SBNO2: variants seen among roughly 807,000 people sequenced by gnomAD.
SBNO2 encodes strawberry notch homolog 2, also known as protein strawberry notch homolog 2.
A neutral mutation model predicts 146.3 loss-of-function variants in SBNO2; 89 were observed. The observed-to-expected ratio is 0.61, with a 90% CI of 0.51 to 0.73. The LOEUF is 0.73. SBNO2 is among the 30% of genes least tolerant of loss of function. The probability of loss-of-function intolerance (pLI) is 0.00; values close to 1 mark genes in which losing one functional copy is unlikely to be tolerated. For missense variants in SBNO2, 2,092 were observed against 2,003.7 expected (o/e 1.04, Z -0.84); for synonymous variants, 1,147 against 892.6 (o/e 1.29, Z -5.08).
At position 1,116,890 on chromosome 19, in the gene SBNO2, G is replaced by A. The variant is rs369316841; in HGVS notation, c.1741C>T (p.Arg581Cys). 1.6e-5 allele frequency: 26 copies of A among 1,575,980 alleles called. No homozygotes were observed. Among genetic ancestry groups the A allele is most frequent in the South Asian group, 5.8e-5 (5 of 86,810 alleles). Residue 581 changes from arginine to cysteine, a missense_variant, in exon 16 of 32, where the codon CGC becomes TGC. Physicochemically the swap from Arg to Cys is radical, Grantham distance 180. Coordinates refer to ENST00000361757, the MANE Select transcript of SBNO2 (RefSeq NM_014963.3). The stretch of plus-strand genomic sequence containing the variant: ...TTCTCCCCCAGCACCTCCCGCGTGC[G>A]CGCCTCGCCCGTGGACTGCAGCCCG... ...VIGLQSTGEA[R>C]TREVLGENDG...
intron 2 of SBNO2, 25 bp downstream of exon 2, chr19:1,154,159 G>C (rs1157746584): frequency 3.5e-6 from 4 of 1,140,880 alleles, no homozygotes; most frequent in Middle Eastern, 3.3e-4. Context: ...CCGTCGGGTG[G>C]GCCGGGGCCG....
Position 1,142,993 on chromosome 19 carries a change from C to T in SBNO2, c.279+4316G>A, listed in dbSNP as rs888294380. 1.1e-4 allele frequency among the ~76,000 whole-genome samples: 16 copies of T among 152,226 alleles called. No individual in the cohort carries two copies. The East Asian group carries it at 3.1e-3, about 29-fold the overall frequency. On this transcript the variant is annotated intron_variant, in intron 4 of 31. Coordinates refer to ENST00000361757, the MANE Select transcript of SBNO2 (RefSeq NM_014963.3). ...AAAAAAAAGTCATGACTAGCTGTCT[C>T]GTTATGGCCTGTGGGGTTTTACATT...
intron 11 of SBNO2, 142 bp downstream of exon 11, chr19:1,121,995 CAG>C: frequency 8.3e-6 from 6 of 724,062 alleles, no homozygotes; most frequent in Non-Finnish European, 9.6e-6. Context: ...AGCCCTTCCC[CAG>C]CCCCACCCCT....
rs771463097 is a variant in SBNO2 at position 1,119,495 on chromosome 19, G to A, written c.1373+21C>T. 1.1e-4 allele frequency: 109 copies of A among 957,998 alleles called. 2 individuals carry two copies. Among genetic ancestry groups the A allele is most frequent in the South Asian group, 4.0e-5 (3 of 75,296 alleles). 59.3% of individuals were successfully genotyped at this position (957,998 alleles called of 1,614,324 possible). A position where few individuals can be genotyped will look rare whatever the true frequency, so the allele number is the denominator to read the frequency against. ...TCCCCACCCCCCGCCGCCCCTCCAC[G>A]TGGGTGAGAAGGGCACTCACCTCTT... On this transcript the variant is annotated intron_variant, in intron 13 of 31. Coordinates refer to ENST00000361757, the MANE Select transcript of SBNO2 (RefSeq NM_014963.3).
chr19:1,126,354 G>C lies in SBNO2; in HGVS notation c.441+1250C>G, dbSNP rs144277306. Among the ~76,000 whole-genome samples, 12 of 152,266 alleles carry C rather than the reference G, an allele frequency of 7.9e-5. No homozygotes were observed. Among genetic ancestry groups the C allele is most frequent in the African/African-American group, 2.9e-4 (12 of 41,558 alleles). On this transcript the variant is annotated intron_variant, in intron 5 of 31. Coordinates refer to ENST00000361757, the MANE Select transcript of SBNO2 (RefSeq NM_014963.3). This position sits in a 1 kb window ranked among gnomAD's most constrained non-coding sequence, Gnocchi z 4.4. ...TGAGTCACCATTCCCGGTGGGGCTGGCGGGCATTGGGTTTCAGATGCCCTC... is the reference window on the plus strand; with the variant it reads ...TGAGTCACCATTCCCGGTGGGGCTGCCGGGCATTGGGTTTCAGATGCCCTC...
chr19:1,110,804 G>A lies in SBNO2; in HGVS notation c.2969C>T (p.Thr990Ile). The A allele has an allele frequency of 6.2e-7, 1 of 1,613,688 alleles. No homozygotes were observed. The highest frequency in any genetic ancestry group is 1.1e-5 in the South Asian group (1 of 91,082). The change falls in exon 26 of 32, where the codon ACC (threonine) becomes ATC (isoleucine). Residue 990 changes from threonine (T) to isoleucine (I), a missense_variant. Thr to Ile is a moderately conservative substitution (Grantham distance 89). Transcript: ENST00000361757. This position sits in a 1 kb window ranked among gnomAD's most constrained non-coding sequence, Gnocchi z 4.9. The stretch of plus-strand genomic sequence containing the variant: ...GTCCATCTCGATGAGGTGGTCGAAG[G>A]TGTCTGAGAAGTACTGGAACAGGGC... Reference protein sequence around the residue: ...QNALFQYFSDTFDHLIEMDKR... With the variant: ...QNALFQYFSDIFDHLIEMDKR...
At position 1,158,627 on chromosome 19, in the gene SBNO2, G is replaced by A. The variant is rs1036674580; in HGVS notation, c.-126-4225C>T. Among the ~76,000 whole-genome samples the A allele has an allele frequency of 6.6e-6, 1 of 152,204 alleles. No individual in the cohort carries two copies. The highest frequency in any genetic ancestry group is 2.4e-5 in the African/African-American group (1 of 41,452). Reference sequence around the variant, plus strand: ...GACATGGAGGTCTGAGGAGGAGGCGGCGAGGCCCGGGCGAGCGGGCGCGAC... The same window carrying A: ...GACATGGAGGTCTGAGGAGGAGGCGACGAGGCCCGGGCGAGCGGGCGCGAC... On this transcript the variant is annotated intron_variant, in intron 1 of 31. Transcript: ENST00000361757. This position sits in a 1 kb window ranked among gnomAD's most constrained non-coding sequence, Gnocchi z 9.9.
Position 1,166,999 on chromosome 19 carries a change from C to T in SBNO2, c.-127+7173G>A, listed in dbSNP as rs577434179. 1.5e-3 allele frequency among the ~76,000 whole-genome samples: 228 copies of T among 152,376 alleles called. 1 individual carries two copies. The highest frequency in any genetic ancestry group is 5.4e-3 in the African/African-American group (225 of 41,598). On this transcript the variant is annotated intron_variant, in intron 1 of 31. Transcript: ENST00000361757. ...CCACTGTCCTTGAGCTTAAGTCCAG[C>T]CTTGGTGACAAAAATGTCACAAGGA...
rs1352768261 is a variant in SBNO2 at position 1,110,739 on chromosome 19, G to A, written c.3028+6C>T. 4 of 1,613,196 alleles carry A rather than the reference G, an allele frequency of 2.5e-6. No individual in the cohort carries two copies. Among genetic ancestry groups the A allele is most frequent in the South Asian group, 1.1e-5 (1 of 91,070 alleles). On this transcript the variant is annotated splice_donor_region_variant and intron_variant, in intron 26 of 31. Transcript: ENST00000361757. The surrounding 1 kb of genome is among the most constrained non-coding windows in gnomAD (Gnocchi z 4.9). Reference sequence around the variant, plus strand: ...ACCCACACCACACCCCGGCACCTGTGCTCACCCAGGATGCCCATGTCGTAT... The same window carrying A: ...ACCCACACCACACCCCGGCACCTGTACTCACCCAGGATGCCCATGTCGTAT...
rs773806823 is a variant in SBNO2, at chr19:1,122,562, C to G, written c.915-4G>C. On this transcript the variant is annotated splice_region_variant and splice_polypyrimidine_tract_variant and intron_variant, in intron 9 of 31. Transcript: ENST00000361757. ...GAGGTCGTTGGAGACGCTGAACCTG[C>G]GGGGTGGGGGCGTCAGGCGCGCCCA... The G allele has an allele frequency of 6.5e-7, 1 of 1,534,552 alleles. No individual in the cohort carries two copies. The highest frequency in any genetic ancestry group is 1.2e-5 in the South Asian group (1 of 83,812).
chr19:1,118,891 C>A (rs919283635), intron 14 of SBNO2, 120 bp downstream of exon 14: 67 of 1,027,632 alleles, frequency 6.5e-5, no homozygotes, highest in South Asian at 1.0e-4. Context: ...AAAAAAAAAA[C>A]CCCAGGACAG....
chr19:1,133,022 G>A (rs1412581989), intron 4 of SBNO2, among the ~76,000 whole-genome samples: 1 of 152,216 alleles, frequency 6.6e-6, no homozygotes, highest in South Asian at 2.1e-4. Context: ...GGACCCTGGC[G>A]CATCACAGGG....
chr19:1,113,681 C>T lies in SBNO2; in HGVS notation c.2101G>A (p.Asp701Asn), dbSNP rs765765176. The T allele has an allele frequency of 4.3e-5, 68 of 1,589,960 alleles. No individual in the cohort carries two copies. Among genetic ancestry groups the T allele is most frequent in the Non-Finnish European group, 5.7e-5 (67 of 1,169,392 alleles). ...TCCAGGACCCCGGGGCCATGCGGGT[C>T]TCTCTGCAGGAGGCACAGGGGTCCT... ...DRGPLCLLQR[D>N]PHGPGVLERV... Residue 701 changes from aspartate (D) to asparagine (N), a missense_variant, in exon 19 of 32, where the codon GAC becomes AAC. By Grantham distance (23) the Asp-to-Asn change is conservative. Coordinates refer to ENST00000361757, the MANE Select transcript of SBNO2 (RefSeq NM_014963.3).
chr19:1,119,734 G>A (rs974331647), intron 12 of SBNO2, 113 bp from the exon 13 acceptor site: 14 of 1,034,676 alleles, frequency 1.4e-5, no homozygotes, highest in Non-Finnish European at 2.0e-5. Flanking sequence ...TGGAGCCATG[G>A]GCCTGAAGAG....
At chr19:1,141,974 A>G (rs989906659) in intron 4 of SBNO2, among the ~76,000 whole-genome samples, 1 of 149,744 alleles carries the variant, frequency 6.7e-6, no homozygotes, top group Non-Finnish European at 1.5e-5. Flanking sequence ...TCCCAGGCAC[A>G]GTGGCCCTAC....
chr19:1,123,752 T>C, intron 6 of SBNO2, 113 bp from the exon 7 acceptor site: 1 of 1,163,854 alleles, frequency 8.6e-7, no homozygotes, highest in Non-Finnish European at 1.2e-6. Flanking sequence ...GACCCAGGGG[T>C]GGGAGACGGC....
chr19:1,131,976 C>T, intron 4 of SBNO2: 1 of 709,362 alleles, frequency 1.4e-6, no homozygotes. Context: ...CGGCCTCGGA[C>T]TCTAGGATGA....
chr19:1,108,916 C>G lies in SBNO2; in HGVS notation c.3479G>C (p.Arg1160Pro). The stretch of plus-strand genomic sequence containing the variant: ...GCACAGCATGTAGTGGTGCCGCAGC[C>G]GCAGCCCCTGCAGGCAGTCCTTACC... ...QEGKDCLQGLRLRHHYMLCGA... is the reference protein window; with the variant it reads ...QEGKDCLQGLPLRHHYMLCGA... Residue 1160 changes from arginine (R) to proline (P), a missense_variant, in exon 31 of 32, where the codon CGG becomes CCG. Coordinates refer to ENST00000361757, the MANE Select transcript of SBNO2 (RefSeq NM_014963.3). The G allele has an allele frequency of 6.3e-7, 1 of 1,576,420 alleles. No individual in the cohort carries two copies. Among genetic ancestry groups the G allele is most frequent in the Non-Finnish European group, 8.6e-7 (1 of 1,169,030 alleles).
Position 1,169,728 on chromosome 19 carries a change from G to A in SBNO2, c.-127+4444C>T, listed in dbSNP as rs577127175. On this transcript the variant is annotated intron_variant, in intron 1 of 31. Transcript: ENST00000361757. Reference sequence around the variant, plus strand: ...GTGCTCAACCCTGTGGTGACAACTGGGGATTCCGAAGGACAGGGAGGTCTT... The same window carrying A: ...GTGCTCAACCCTGTGGTGACAACTGAGGATTCCGAAGGACAGGGAGGTCTT... 1.3e-3 allele frequency among the ~76,000 whole-genome samples: 204 copies of A among 152,180 alleles called. 2 individuals are homozygous for A. Among genetic ancestry groups the A allele is most frequent in the Non-Finnish European group, 2.1e-3 (140 of 68,026 alleles).
Sources: gnomAD v4.1 joint callset for allele counts (sites outside exome capture counted in the v4.1 genomes callset) on GRCh38, gnomAD v4.1.1 for gene constraint, Gnocchi (gnomAD v3.1) non-coding constraint, MANE v1.5 for transcripts, NCBI Gene and HGNC (gene_info 2026-07-23, HGNC 2026-07-21) for gene names.